The following CECR2 variants were observed in gnomAD, a reference collection of about 807,000 sequenced individuals.
The protein encoded by CECR2 is chromatin remodeling regulator CECR2.
A neutral mutation model predicts 154.5 loss-of-function variants in CECR2; 30 were observed. The observed-to-expected ratio is 0.19, with a 90% confidence interval of 0.15 to 0.26. The LOEUF is 0.26. Among genes scored for constraint, CECR2 ranks in the 10% least tolerant of loss-of-function variants. CECR2 has a pLI of 1.00. For synonymous variants in CECR2, 725 were observed against 683.7 expected (o/e 1.06, Z -0.94); for missense variants, 1,743 against 1,829.3 (o/e 0.95, Z 0.86).
chr22:17,551,827 T>C (rs1450232802), intron 17 of CECR2, among the ~76,000 whole-genome samples: 1 of 148,246 alleles, frequency 6.7e-6, no homozygotes, highest in Non-Finnish European at 1.5e-5. Flanking sequence ...ATTAAACACT[T>C]TTGTCAGGAG....
At chr22:17,535,068 G>A (rs950450831) in intron 9 of CECR2, among the ~76,000 whole-genome samples, 9 of 151,100 alleles carry the variant, frequency 6.0e-5, no homozygotes, top group Admixed American at 1.3e-4. Flanking sequence ...GGAGAATGAC[G>A]TGAACCCAGG....
intron 1 of CECR2, among the ~76,000 whole-genome samples, chr22:17,402,770 T>C (rs1274448484): frequency 6.9e-6 from 1 of 145,786 alleles, no homozygotes; most frequent in Non-Finnish European, 1.5e-5. Flanking sequence ...TTTTTTTTTT[T>C]TTTGGAGACG....
At chr22:17,387,750 C>T (rs889657983) in intron 1 of CECR2, among the ~76,000 whole-genome samples, 7 of 152,158 alleles carry the variant, frequency 4.6e-5, no homozygotes, top group African/African-American at 1.7e-4. Flanking sequence ...GCCATGATTT[C>T]CAGTAGCTGC....
chr22:17,433,146 C>G (rs182544914), intron 1 of CECR2, among the ~76,000 whole-genome samples: 1 of 152,076 alleles, frequency 6.6e-6, no homozygotes, highest in African/African-American at 2.4e-5. Context: ...TGAACTGATA[C>G]GAACAATATC....
At position 17,540,785 on chromosome 22, in the gene CECR2, C is replaced by A. The variant is rs1388387885; in HGVS notation, c.1869C>A (p.Pro623=). 9 of 1,574,918 alleles carry A rather than the reference C, an allele frequency of 5.7e-6. No homozygotes were observed. Among genetic ancestry groups the A allele is most frequent in the Non-Finnish European group, 7.8e-6 (9 of 1,160,290 alleles). ...LHCGGTPSQA[P]FLNQMRPAVP... Reference sequence around the variant, plus strand: ...GTGGTGGGACACCCAGCCAGGCACCCTTTTTAAACCAGATGGTAAGGAATA... The same window carrying A: ...GTGGTGGGACACCCAGCCAGGCACCATTTTTAAACCAGATGGTAAGGAATA... Residue 623 remains proline (P), a synonymous_variant, in exon 14 of 19, where the codon CCC becomes CCA. Coordinates refer to ENST00000262608, the MANE Select transcript of CECR2 (RefSeq NM_001290047.2).
rs142851999 is a variant in CECR2 at position 17,549,561 on chromosome 22, C to T, written c.4274C>T (p.Ser1425Leu). The T allele has an allele frequency of 2.1e-3, 3,327 of 1,580,566 alleles. 7 individuals are homozygous for T. The highest frequency in any genetic ancestry group is 2.6e-3 in the Non-Finnish European group (3,073 of 1,161,928). Residue 1425 changes from serine to leucine, a missense_variant, in exon 17 of 19, where the codon TCA (serine) becomes TTA (leucine). Physicochemically the swap from Ser to Leu is moderately radical, Grantham distance 145. Coordinates refer to ENST00000262608, the MANE Select transcript of CECR2 (RefSeq NM_001290047.2). ...CCTTTCCAGGAAATGTACAGACCATCAGGGTAAGATTGCATTCAGGCTTTT... is the reference window on the plus strand; with the variant it reads ...CCTTTCCAGGAAATGTACAGACCATTAGGGTAAGATTGCATTCAGGCTTTT... Reference protein sequence around the residue: ...RGPFQEMYRPSGMQMHPVQSQ... With the variant: ...RGPFQEMYRPLGMQMHPVQSQ...
chr22:17,548,589 C>T lies in CECR2; in HGVS notation c.3302C>T (p.Pro1101Leu), dbSNP rs758968482. 45 of 1,613,402 alleles carry T rather than the reference C, an allele frequency of 2.8e-5. No homozygotes were observed. The highest frequency in any genetic ancestry group is 3.4e-5 in the Non-Finnish European group (40 of 1,179,762). Residue 1101 changes from proline to leucine, a missense_variant, in exon 17 of 19, where the codon CCG becomes CTG. Coordinates refer to ENST00000262608, the MANE Select transcript of CECR2 (RefSeq NM_001290047.2). ...MPCTGQNAAT[P>L]PSTDPGLTGG... ...TGCACGGGACAGAACGCAGCGACAC[C>T]GCCCAGCACAGACCCCGGTTTGACG... is the stretch of plus-strand genomic sequence containing the variant.
intron 1 of CECR2, among the ~76,000 whole-genome samples, chr22:17,395,804 GT>G: frequency 6.6e-6 from 1 of 151,970 alleles, no homozygotes; most frequent in East Asian, 1.9e-4. Flanking sequence ...GTTCATCATG[GT>G]TTTTATTTTG....
Sources: gnomAD v4.1 joint callset for allele counts (sites outside exome capture counted in the v4.1 genomes callset) on GRCh38, gnomAD v4.1.1 for gene constraint, MANE v1.5 for transcripts, NCBI Gene and HGNC (gene_info 2026-07-23, HGNC 2026-07-21) for gene names.